The following MALRD1 variants were observed in gnomAD, a reference collection of about 807,000 sequenced individuals.
The protein encoded by MALRD1 is MAM and LDL-receptor class A domain-containing protein 1.
In MALRD1, 247 loss-of-function variants were observed where a neutral mutation model predicts 242.1. That is an observed-to-expected ratio of 1.02 (90% CI 0.92 to 1.13). The LOEUF (loss-of-function observed/expected upper bound fraction) is 1.13. Among genes scored for constraint, MALRD1 ranks in the 50% most tolerant of loss-of-function variants. The pLI is 0.00. For missense variants in MALRD1, 2,989 were observed against 2,533.1 expected (o/e 1.18, Z -3.86); for synonymous variants, 995 against 866.6 (o/e 1.15, Z -2.60).
intron 1 of MALRD1, among the ~76,000 whole-genome samples, chr10:19,059,798 A>T (rs1379104784): frequency 6.6e-6 from 1 of 152,196 alleles, no homozygotes; most frequent in Non-Finnish European, 1.5e-5. Context: ...TGAAAGCAAG[A>T]TAATATTAGG....
intron 32 of MALRD1, among the ~76,000 whole-genome samples, chr10:19,538,748 T>C (rs1485825487): frequency 1.3e-5 from 2 of 152,120 alleles, no homozygotes; most frequent in Non-Finnish European, 2.9e-5. Context: ...ATTTATACTT[T>C]TCGTAATATT....
chr10:19,304,407 A>G (rs1031097433), intron 21 of MALRD1, among the ~76,000 whole-genome samples: 2 of 151,370 alleles, frequency 1.3e-5, no homozygotes, highest in African/African-American at 4.9e-5. Flanking sequence ...TCTATATCCT[A>G]TTGTTACTGT....
At chr10:19,607,726 C>CA (rs1038660086) in intron 34 of MALRD1, 51 bp from the exon 35 acceptor site, 472 of 1,472,422 alleles carry the variant, frequency 3.2e-4, no homozygotes, top group South Asian at 2.6e-3. Context: ...TTCATTGGGA[C>CA]AAAAAAAAAT....
At chr10:19,608,040 GA>G in intron 35 of MALRD1, 138 bp downstream of exon 35, 1 of 1,203,352 alleles carries the variant, frequency 8.3e-7, no homozygotes, top group Non-Finnish European at 1.1e-6. Flanking sequence ...TTTGGGGGCA[GA>G]AAGAATGTTG....
intron 33 of MALRD1, among the ~76,000 whole-genome samples, chr10:19,594,793 A>T (rs1837995833): frequency 6.6e-6 from 1 of 152,184 alleles, no homozygotes; most frequent in Admixed American, 6.5e-5. Flanking sequence ...TGAGGATGCA[A>T]ATGCATAATA....
At chr10:19,377,742 G>A (rs1238715319) in intron 26 of MALRD1, among the ~76,000 whole-genome samples, 1 of 151,732 alleles carries the variant, frequency 6.6e-6, no homozygotes, top group Non-Finnish European at 1.5e-5. Flanking sequence ...GGTGTAAAAC[G>A]AGGTGATTTC....
intron 26 of MALRD1, among the ~76,000 whole-genome samples, chr10:19,352,999 C>CT (rs1046948524): frequency 1.3e-4 from 19 of 151,602 alleles, no homozygotes; most frequent in Non-Finnish European, 1.6e-4. Flanking sequence ...ATAGATACTA[C>CT]TTTTTTTTTC....
chr10:19,145,980 G>C (rs997881279), intron 10 of MALRD1, among the ~76,000 whole-genome samples: 9 of 152,074 alleles, frequency 5.9e-5, no homozygotes, highest in African/African-American at 2.2e-4. Flanking sequence ...AAATGTACCA[G>C]ACTTACAGAT....
intron 24 of MALRD1, among the ~76,000 whole-genome samples, chr10:19,342,965 A>G (rs1843950279): frequency 6.6e-6 from 1 of 152,100 alleles, no homozygotes; most frequent in African/African-American, 2.4e-5. Context: ...GATAATCCAT[A>G]TTTTCCAAAT....
At chr10:19,478,111 G>A (rs1259992179) in intron 29 of MALRD1, among the ~76,000 whole-genome samples, 1 of 152,142 alleles carries the variant, frequency 6.6e-6, no homozygotes, top group Admixed American at 6.5e-5. Flanking sequence ...GGACTCTCTG[G>A]CCCTAACATT....
intron 21 of MALRD1, among the ~76,000 whole-genome samples, chr10:19,321,562 A>G (rs1842916378): frequency 6.6e-6 from 1 of 152,290 alleles, no homozygotes; most frequent in East Asian, 1.9e-4. Context: ...TAACTAAATC[A>G]TAAAGATCTA....
At chr10:19,648,218 C>A (rs568278987) in intron 36 of MALRD1, among the ~76,000 whole-genome samples, 1 of 152,130 alleles carries the variant, frequency 6.6e-6, no homozygotes, top group Non-Finnish European at 1.5e-5. Flanking sequence ...TGTTGGAAGT[C>A]CAACATGACC....
At chr10:19,430,634 C>T (rs1021620858) in intron 28 of MALRD1, among the ~76,000 whole-genome samples, 3 of 152,092 alleles carry the variant, frequency 2.0e-5, no homozygotes, top group Admixed American at 6.5e-5. Context: ...CTGTGAGCTC[C>T]TTAAATCATG....
chr10:19,048,795 T>C (rs1834403495), upstream of MALRD1: 2 of 529,598 alleles, frequency 3.8e-6, no homozygotes, highest in South Asian at 2.1e-4. Flanking sequence ...TGGGGAGTAA[T>C]TTGTTAGAGT....
intron 4 of MALRD1, among the ~76,000 whole-genome samples, chr10:19,103,550 T>TAA (rs1836347640): frequency 2.5e-5 from 1 of 40,276 alleles, no homozygotes; most frequent in African/African-American, 1.0e-4. Flanking sequence ...AGACTCCGTC[T>TAA]CAAAAAAAAA....
At chr10:19,202,639 G>C (rs1462734338) in intron 14 of MALRD1, among the ~76,000 whole-genome samples, 1 of 151,876 alleles carries the variant, frequency 6.6e-6, no homozygotes, top group South Asian at 2.1e-4. Flanking sequence ...GTGTCTATGC[G>C]TTTTATTGCT....
rs182947732 is a variant in MALRD1, at chr10:19,235,213, T to C, written c.2992-22471T>C. The stretch of plus-strand genomic sequence containing the variant: ...CTCTTTTGGCTGTAAGGGGGACACG[T>C]TTGAAGTAGGGCTATAGCTAAAAAT... On this transcript the variant is annotated intron_variant, in intron 18 of 39. Transcript: ENST00000454679. Among the ~76,000 whole-genome samples, 387 of 152,186 alleles carry C rather than the reference T, an allele frequency of 2.5e-3. 7 individuals are homozygous for C. Among genetic ancestry groups the C allele is most frequent in the African/African-American group, 9.1e-3 (378 of 41,536 alleles).
At chr10:19,103,499 T>C (rs1261463084) in intron 4 of MALRD1, among the ~76,000 whole-genome samples, 1 of 147,272 alleles carries the variant, frequency 6.8e-6, no homozygotes, top group Non-Finnish European at 1.5e-5. Flanking sequence ...AGGCGGAGCT[T>C]GTAGATCGTG....
At chr10:19,713,450 C>T (rs371270528) in intron 38 of MALRD1, among the ~76,000 whole-genome samples, 5 of 152,198 alleles carry the variant, frequency 3.3e-5, no homozygotes, top group Non-Finnish European at 7.3e-5. Flanking sequence ...GACTTTGGCT[C>T]TGCCCATGGG....
Sources: gnomAD v4.1 joint callset for allele counts (sites outside exome capture counted in the v4.1 genomes callset) on GRCh38, gnomAD v4.1.1 for gene constraint, MANE v1.5 for transcripts, NCBI Gene and HGNC (gene_info 2026-07-23, HGNC 2026-07-21) for gene names.